Variants in EYA4 observed in about 807,000 individuals in gnomAD.
EYA4 encodes the protein EYA transcriptional coactivator and phosphatase 4, also known as protein phosphatase EYA4.
A neutral mutation model predicts 87.9 loss-of-function variants in EYA4; 31 were observed. The observed-to-expected ratio is 0.35, with a 90% CI of 0.27 to 0.48. The LOEUF is 0.48. Ranked by LOEUF, EYA4 falls within the 20% of genes least tolerant of loss-of-function variation. The pLI, the probability that EYA4 is intolerant of heterozygous loss-of-function variation, is 0.99. For synonymous variants in EYA4, 263 were observed against 270.6 expected, an observed-to-expected ratio of 0.97 and a Z score of 0.28; for missense variants, 678 against 761.4, an observed-to-expected ratio of 0.89 and a Z score of 1.29.
chr6:133,393,101 G>T (rs531033286), intron 3 of EYA4, among the ~76,000 whole-genome samples: 6 of 152,110 alleles, frequency 3.9e-5, no homozygotes, highest in African/African-American at 1.4e-4. Context: ...GATTGCTTAG[G>T]GGTTATTAAG....
chr6:133,346,909 G>A (rs1426437518), intron 2 of EYA4, among the ~76,000 whole-genome samples: 1 of 152,152 alleles, frequency 6.6e-6, no homozygotes, highest in Non-Finnish European at 1.5e-5. Context: ...ATTGTTTTAA[G>A]GATGATGTGT....
intron 3 of EYA4, among the ~76,000 whole-genome samples, chr6:133,395,622 G>C (rs369626602): frequency 6.6e-6 from 1 of 152,064 alleles, no homozygotes; most frequent in Non-Finnish European, 1.5e-5. Context: ...TTAGCCAGGC[G>C]TGGTGTTGCG....
rs1169006037 is a variant in EYA4 at position 133,272,680 on chromosome 6, A to G, written c.-65-2036A>G. ...CCTATGGGGGCCTGGCAAAGGCTCC[A>G]AACAGCATCCCTATCTGCTACTGGC... is the stretch of plus-strand genomic sequence containing the variant. On this transcript the variant is annotated intron_variant, in intron 1 of 19. Coordinates refer to ENST00000355286, the MANE Select transcript of EYA4 (RefSeq NM_004100.5). 2.6e-5 allele frequency among the ~76,000 whole-genome samples: 4 copies of G among 152,266 alleles called. No homozygotes were observed. In the East Asian group the frequency reaches 7.7e-4, roughly 29 times the overall value.
intron 14 of EYA4, among the ~76,000 whole-genome samples, chr6:133,510,198 A>G (rs1186758674): frequency 6.6e-6 from 1 of 152,352 alleles, no homozygotes; most frequent in East Asian, 1.9e-4. Flanking sequence ...TAAAAATTAC[A>G]ATGAGAGGAT....
At chr6:133,298,288 G>T (rs1431698714) in intron 2 of EYA4, among the ~76,000 whole-genome samples, 3 of 152,054 alleles carry the variant, frequency 2.0e-5, no homozygotes, top group Admixed American at 1.3e-4. Flanking sequence ...TTTATACTTT[G>T]TCTGCTCCAG....
chr6:133,522,351 T>A (rs1005745453), intron 17 of EYA4, among the ~76,000 whole-genome samples: 6 of 151,668 alleles, frequency 4.0e-5, no homozygotes, highest in Non-Finnish European at 8.8e-5. Context: ...TATATACATG[T>A]ATAAAACTAC....
chr6:133,332,683 A>G (rs892630437), intron 2 of EYA4, among the ~76,000 whole-genome samples: 1 of 149,120 alleles, frequency 6.7e-6, no homozygotes, highest in Non-Finnish European at 1.5e-5. Context: ...AGCTGGGACT[A>G]CAGGCATGTG....
intron 2 of EYA4, among the ~76,000 whole-genome samples, chr6:133,281,288 C>T (rs1246124254): frequency 1.3e-5 from 2 of 152,120 alleles, no homozygotes; most frequent in African/African-American, 4.8e-5. Flanking sequence ...TCCTTTGATG[C>T]ACAGAAGTTT....
chr6:133,480,749 A>T (rs1167712988), intron 11 of EYA4, among the ~76,000 whole-genome samples: 1 of 152,190 alleles, frequency 6.6e-6, no homozygotes, highest in African/African-American at 2.4e-5. Context: ...AACATAGCTG[A>T]TAAAAAACTT....
At chr6:133,318,871 A>T (rs879153085) in intron 2 of EYA4, among the ~76,000 whole-genome samples, 4 of 152,142 alleles carry the variant, frequency 2.6e-5, no homozygotes, top group Admixed American at 2.6e-4. Flanking sequence ...TGTACTATTC[A>T]TGGTTTTTAC....
intron 14 of EYA4, among the ~76,000 whole-genome samples, chr6:133,507,582 G>T (rs1798758126): frequency 6.6e-6 from 1 of 151,986 alleles, no homozygotes; most frequent in Non-Finnish European, 1.5e-5. Flanking sequence ...GTGTCCATGT[G>T]TTCTCATTAT....
chr6:133,367,828 C>T (rs527848048), intron 2 of EYA4, among the ~76,000 whole-genome samples: 1 of 152,158 alleles, frequency 6.6e-6, no homozygotes, highest in South Asian at 2.1e-4. Context: ...TGAATGATTG[C>T]TATGTGCTTG....
intron 19 of EYA4, among the ~76,000 whole-genome samples, chr6:133,526,770 T>G (rs1800671747): frequency 6.6e-6 from 1 of 152,230 alleles, no homozygotes; most frequent in Non-Finnish European, 1.5e-5. Flanking sequence ...AGTTTGTCAA[T>G]GTCCTGAGTC....
chr6:133,427,746 G>T (rs1188026835), intron 3 of EYA4, among the ~76,000 whole-genome samples: 1 of 152,122 alleles, frequency 6.6e-6, no homozygotes, highest in African/African-American at 2.4e-5. Flanking sequence ...TAGGGTAATT[G>T]TCTAGAGAAT....
chr6:133,448,227 C>T, intron 5 of EYA4, 48 bp downstream of exon 5: 2 of 1,397,470 alleles, frequency 1.4e-6, no homozygotes, highest in East Asian at 2.3e-5. Flanking sequence ...TGTGGATTTG[C>T]CCCTCTGGAT....
At chr6:133,418,871 A>G in intron 3 of EYA4, among the ~76,000 whole-genome samples, 1 of 152,146 alleles carries the variant, frequency 6.6e-6, no homozygotes. Flanking sequence ...CAGGAGCAGT[A>G]ATTTCTAAAG....
intron 2 of EYA4, among the ~76,000 whole-genome samples, chr6:133,373,804 G>C (rs1040887972): frequency 6.6e-6 from 1 of 151,988 alleles, no homozygotes; most frequent in Non-Finnish European, 1.5e-5. Flanking sequence ...TTCTTTTAGC[G>C]CTTATGTATA....
At chr6:133,330,559 A>G (rs1471905213) in intron 2 of EYA4, among the ~76,000 whole-genome samples, 2 of 57,514 alleles carry the variant, frequency 3.5e-5, no homozygotes, top group Non-Finnish European at 6.6e-5. Flanking sequence ...TTATATATAT[A>G]TATATATATA....
At chr6:133,306,131 A>C (rs62430317) in intron 2 of EYA4, among the ~76,000 whole-genome samples, 5 of 152,134 alleles carry the variant, frequency 3.3e-5, no homozygotes. Flanking sequence ...TCCGATGTAG[A>C]CAATGCATTC....
Sources: allele counts gnomAD v4.1 joint callset (sites outside exome capture counted in the v4.1 genomes callset), GRCh38; gene constraint gnomAD v4.1.1; transcripts MANE v1.5; gene names NCBI Gene and HGNC (gene_info 2026-07-23, HGNC 2026-07-21).